ENTPD1: variants seen among roughly 807,000 people sequenced by gnomAD.
The protein encoded by ENTPD1 is ectonucleoside triphosphate diphosphohydrolase 1, also known as ATP diphosphohydrolase.
Under a neutral mutation model 57.0 loss-of-function variants are expected in ENTPD1, and 33 were observed. That is an observed-to-expected ratio of 0.58 (90% CI 0.44 to 0.77). The LOEUF is 0.77. Among genes scored for constraint, ENTPD1 ranks in the 30% least tolerant of loss-of-function variants. The pLI, the probability that ENTPD1 is intolerant of heterozygous loss-of-function variation, is 0.00. For synonymous variants in ENTPD1, 202 were observed against 218.8 expected (o/e 0.92, Z 0.68); for missense variants, 501 against 603.4 (o/e 0.83, Z 1.78).
intron 2 of ENTPD1, among the ~76,000 whole-genome samples, chr10:95,829,350 T>G (rs2098389118): frequency 6.6e-6 from 1 of 152,364 alleles, no homozygotes; most frequent in South Asian, 2.1e-4. Flanking sequence ...CCCCTGGTTC[T>G]CATTATCTGT....
intron 1 of ENTPD1, chr10:95,712,144 C>T (rs1434719642): frequency 2.8e-6 from 3 of 1,070,830 alleles, no homozygotes; most frequent in Non-Finnish European, 2.8e-6. Flanking sequence ...TTGGGTGTAG[C>T]GACTCTGGTG....
intron 1 of ENTPD1, among the ~76,000 whole-genome samples, chr10:95,737,142 A>G (rs2097995460): frequency 6.6e-6 from 1 of 152,164 alleles, no homozygotes; most frequent in African/African-American, 2.4e-5. Flanking sequence ...CTGTTTTCCT[A>G]CTATGTGCAG....
At chr10:95,780,531 A>G (rs1457408032) in intron 1 of ENTPD1, among the ~76,000 whole-genome samples, 3 of 152,172 alleles carry the variant, frequency 2.0e-5, no homozygotes, top group African/African-American at 2.4e-5. Flanking sequence ...TTATGAGTCT[A>G]TGTGTCTGCT....
intron 2 of ENTPD1, among the ~76,000 whole-genome samples, chr10:95,824,787 A>G (rs17111156): frequency 0.04 from 6,100 of 152,290 alleles, 171 homozygotes; most frequent in Middle Eastern, 0.12. Context: ...GGTCTCCTTT[A>G]AGTCTCTTGT....
intron 1 of ENTPD1, among the ~76,000 whole-genome samples, chr10:95,822,608 A>G (rs1038107364): frequency 6.6e-6 from 1 of 152,212 alleles, no homozygotes; most frequent in African/African-American, 2.4e-5. Flanking sequence ...TTTGCCTTTT[A>G]TATAATTCTA....
chr10:95,734,490 A>G (rs1480957435), intron 1 of ENTPD1, among the ~76,000 whole-genome samples: 1 of 152,180 alleles, frequency 6.6e-6, no homozygotes, highest in Non-Finnish European at 1.5e-5. Flanking sequence ...ATGATATGTT[A>G]TTTGCAATTT....
Position 95,872,877 on chromosome 10 carries a change from A to G in ENTPD1, c.*6494A>G. The G allele has an allele frequency of 6.1e-6, 6 of 985,404 alleles. No individual in the cohort carries two copies. The highest frequency in any genetic ancestry group is 7.2e-6 in the Non-Finnish European group (6 of 829,926). The allele number at this position is 985,404 out of a possible 1,614,324, so 61.0% of individuals were successfully genotyped here. A position where few individuals can be genotyped will look rare whatever the true frequency, so the allele number is the denominator to read the frequency against. On this transcript the variant is annotated 3_prime_UTR_variant, in exon 10 of 10. Coordinates refer to ENST00000371205, the MANE Select transcript of ENTPD1 (RefSeq NM_001776.6). The stretch of plus-strand genomic sequence containing the variant: ...TGATGAAGCTTTTATTCCCCTAGCC[A>G]CATGGAACTTTTCCTTTTTGGAACA...
At chr10:95,700,101 T>G in the ENTPD1 span, among the ~76,000 whole-genome samples, 2 of 152,196 alleles carry the variant, frequency 1.3e-5, no homozygotes, top group Non-Finnish European at 2.9e-5. Context: ...TAGAAATTGA[T>G]ACACTAGTTA....
chr10:95,804,042 G>C (rs777644842), intron 1 of ENTPD1, among the ~76,000 whole-genome samples: 5 of 152,170 alleles, frequency 3.3e-5, no homozygotes, highest in Non-Finnish European at 5.9e-5. Context: ...TGAGGCCACT[G>C]TTCTGTTCCA....
Position 95,871,840 on chromosome 10 carries a change from A to T in ENTPD1, c.*5457A>T, listed in dbSNP as rs1407748140. 4.1e-6 allele frequency: 4 copies of T among 985,312 alleles called. No homozygotes were observed. Among genetic ancestry groups the T allele is most frequent in the Non-Finnish European group, 4.8e-6 (4 of 829,934 alleles). 61.0% of individuals were successfully genotyped at this position (985,312 alleles called of 1,614,324 possible). A position where few individuals can be genotyped will look rare whatever the true frequency, so the allele number is the denominator to read the frequency against. On this transcript the variant is annotated 3_prime_UTR_variant, in exon 10 of 10. Transcript: ENST00000371205. ...AACATGTATTAGTCAATGGTAAGTA[A>T]GATACTCTCATCTAAGAAATAACAT... is the stretch of plus-strand genomic sequence containing the variant.
intron 7 of ENTPD1, among the ~76,000 whole-genome samples, chr10:95,859,981 T>C (rs1235025489): frequency 6.6e-6 from 1 of 152,152 alleles, no homozygotes; most frequent in Non-Finnish European, 1.5e-5. Flanking sequence ...TAATAAATAT[T>C]TGTTGAATAA....
intron 2 of ENTPD1, among the ~76,000 whole-genome samples, chr10:95,831,895 C>CCATT (rs559786515): frequency 4.6e-5 from 7 of 152,220 alleles, no homozygotes; most frequent in Non-Finnish European, 8.8e-5. Flanking sequence ...TTCATTGACT[C>CCATT]CATTCATTCA....
At chr10:95,851,898 A>G (rs1325439393) in intron 7 of ENTPD1, among the ~76,000 whole-genome samples, 12 of 152,156 alleles carry the variant, frequency 7.9e-5, no homozygotes, top group Non-Finnish European at 1.3e-4. Context: ...ATACGTGTGC[A>G]TGTGTCTTTA....
intron 1 of ENTPD1, among the ~76,000 whole-genome samples, chr10:95,795,537 G>A (rs10882666): frequency 0.54 from 81,996 of 151,942 alleles, 22,551 homozygotes; most frequent in Admixed American, 0.63. Context: ...TATTTCCCAC[G>A]TATGGACAGT....
In ENTPD1 at chr10:95,856,889, A is replaced by G. The variant is rs1412841715; in HGVS notation, c.1075-3580A>G. Reference sequence around the variant, plus strand: ...ATTCACTATTTTCTATTACATATCTATTTGCTATAGATATTAAACAGTAAA... The same window carrying G: ...ATTCACTATTTTCTATTACATATCTGTTTGCTATAGATATTAAACAGTAAA... On this transcript the variant is annotated intron_variant, in intron 7 of 9. Coordinates refer to ENST00000371205, the MANE Select transcript of ENTPD1 (RefSeq NM_001776.6). Among the ~76,000 whole-genome samples the G allele has an allele frequency of 1.3e-5, 2 of 151,550 alleles. 1 individual carries two copies. Among genetic ancestry groups the G allele is most frequent in the East Asian group, 3.9e-4 (2 of 5,190 alleles).
intron 1 of ENTPD1, among the ~76,000 whole-genome samples, chr10:95,721,925 G>T (rs1464007925): frequency 1.3e-5 from 2 of 152,164 alleles, no homozygotes; most frequent in Non-Finnish European, 2.9e-5. Flanking sequence ...TTACCAGCAT[G>T]CCCAACATTG....
chr10:95,855,076 C>A (rs1267193600), intron 7 of ENTPD1, among the ~76,000 whole-genome samples: 1 of 152,134 alleles, frequency 6.6e-6, no homozygotes, highest in Non-Finnish European at 1.5e-5. Flanking sequence ...GAGTCTAAGT[C>A]TCTTTGTGGG....
rs916471880 is a variant in ENTPD1, at chr10:95,868,209, C to T, written c.*1826C>T. 116 of 985,340 alleles carry T rather than the reference C, an allele frequency of 1.2e-4. No homozygotes were observed. The highest frequency in any genetic ancestry group is 1.4e-4 in the Non-Finnish European group (115 of 829,940). 61.0% of individuals were successfully genotyped at this position (985,340 alleles called of 1,614,324 possible). A position where few individuals can be genotyped will look rare whatever the true frequency, so the allele number is the denominator to read the frequency against. On this transcript the variant is annotated 3_prime_UTR_variant, in exon 10 of 10. Coordinates refer to ENST00000371205, the MANE Select transcript of ENTPD1 (RefSeq NM_001776.6). Reference sequence around the variant, plus strand: ...TTTGCCCAAATGGCTGAGCCAAAGCCTACCATGTACCTAACCTTTATTTTC... The same window carrying T: ...TTTGCCCAAATGGCTGAGCCAAAGCTTACCATGTACCTAACCTTTATTTTC...
chr10:95,815,637 G>A (rs372169845), intron 1 of ENTPD1, among the ~76,000 whole-genome samples: 17 of 152,164 alleles, frequency 1.1e-4, no homozygotes, highest in East Asian at 1.9e-4. Context: ...CAGAATGCCC[G>A]TGTTTAATTC....
Sources: allele counts gnomAD v4.1 joint callset (sites outside exome capture counted in the v4.1 genomes callset), GRCh38; gene constraint gnomAD v4.1.1; transcripts MANE v1.5; gene names NCBI Gene and HGNC (gene_info 2026-07-23, HGNC 2026-07-21).